LRRC4C: variants seen among roughly 807,000 people sequenced by gnomAD.
The protein encoded by LRRC4C is leucine rich repeat containing 4C.
A neutral mutation model predicts 33.6 loss-of-function variants in LRRC4C; 5 were observed. That is an observed-to-expected ratio of 0.15 (90% CI 0.08 to 0.31). LRRC4C has a LOEUF of 0.31. Among genes scored for constraint, LRRC4C ranks in the 10% least tolerant of loss-of-function variants. The probability of loss-of-function intolerance (pLI) is 1.00; values close to 1 mark genes in which losing one functional copy is unlikely to be tolerated. For synonymous variants in LRRC4C, 329 were observed against 302.0 expected, an observed-to-expected ratio of 1.09 and a Z score of -0.93; for missense variants, 560 against 796.7, an observed-to-expected ratio of 0.70 and a Z score of 3.58.
intron 1 of LRRC4C, among the ~76,000 whole-genome samples, chr11:41,360,352 A>G (rs953940398): frequency 6.6e-6 from 1 of 152,024 alleles, no homozygotes; most frequent in Non-Finnish European, 1.5e-5. Context: ...TCTATGATTT[A>G]TCTATCCATA....
At chr11:40,911,507 A>G (rs1376632989) in intron 2 of LRRC4C, among the ~76,000 whole-genome samples, 5 of 152,210 alleles carry the variant, frequency 3.3e-5, no homozygotes, top group African/African-American at 4.8e-5. Context: ...AAGGAAAACT[A>G]ACAAACAGAA....
intron 1 of LRRC4C, among the ~76,000 whole-genome samples, chr11:41,198,625 GAA>G (rs66811240): frequency 6.0e-5 from 9 of 151,180 alleles, no homozygotes; most frequent in South Asian, 4.2e-4. Context: ...GAGGGGAGAG[GAA>G]AAAAAAGTAT....
chr11:40,349,330 C>T (rs915884244), intron 3 of LRRC4C, among the ~76,000 whole-genome samples: 2 of 152,016 alleles, frequency 1.3e-5, no homozygotes, highest in African/African-American at 4.8e-5. Context: ...TTTGTCTTTC[C>T]GTGTCAGGCT....
chr11:40,501,544 A>G (rs1399419915), intron 3 of LRRC4C, among the ~76,000 whole-genome samples: 4 of 152,168 alleles, frequency 2.6e-5, no homozygotes, highest in African/African-American at 9.7e-5. Flanking sequence ...TCAACACCAC[A>G]TGAAAGCTGC....
At chr11:40,292,448 A>T (rs1944257328) in intron 4 of LRRC4C, 2 of 152,134 alleles carry the variant, frequency 1.3e-5, no homozygotes, top group South Asian at 4.1e-4. Flanking sequence ...TTCTTTGCAG[A>T]TGTATTATTA....
chr11:40,328,428 T>A (rs1387007626), intron 3 of LRRC4C, among the ~76,000 whole-genome samples: 2 of 152,180 alleles, frequency 1.3e-5, no homozygotes, highest in African/African-American at 4.8e-5. Context: ...AATGGTACAG[T>A]ATAATACTTC....
At chr11:40,858,945 A>T (rs928013862) in intron 2 of LRRC4C, among the ~76,000 whole-genome samples, 2 of 152,284 alleles carry the variant, frequency 1.3e-5, no homozygotes, top group African/African-American at 2.4e-5. Context: ...AAAACTGTTA[A>T]ATCTTTTAAA....
chr11:40,547,634 C>A (rs896558914), intron 3 of LRRC4C, among the ~76,000 whole-genome samples: 3 of 151,960 alleles, frequency 2.0e-5, no homozygotes, highest in Non-Finnish European at 4.4e-5. Flanking sequence ...ATCCTTATTG[C>A]TTTTGCTTTT....
At chr11:40,913,422 A>G (rs1031007654) in intron 2 of LRRC4C, among the ~76,000 whole-genome samples, 4 of 152,178 alleles carry the variant, frequency 2.6e-5, no homozygotes, top group Non-Finnish European at 4.4e-5. Flanking sequence ...TACATGGAAA[A>G]TGAACAATCT....
chr11:41,447,315 G>A (rs1056550998), intron 1 of LRRC4C, among the ~76,000 whole-genome samples: 28 of 152,030 alleles, frequency 1.8e-4, no homozygotes, highest in African/African-American at 6.5e-4. Context: ...TCCTCATCAC[G>A]GGCATAGAAT....
intron 3 of LRRC4C, among the ~76,000 whole-genome samples, chr11:40,575,745 C>T (rs1372089423): frequency 6.6e-6 from 1 of 152,070 alleles, no homozygotes; most frequent in Non-Finnish European, 1.5e-5. Context: ...AGATATTTTT[C>T]ATCAATGGCA....
intron 5 of LRRC4C, among the ~76,000 whole-genome samples, 195 bp downstream of exon 5, chr11:40,241,324 G>A (rs906453236): frequency 2.0e-5 from 3 of 152,152 alleles, no homozygotes; most frequent in Non-Finnish European, 2.9e-5. Flanking sequence ...GGAGACTGCA[G>A]TGAGCTATAA....
rs1029791382 is a variant in LRRC4C, at chr11:40,340,711, A to C, written c.-269-20990T>G. On this transcript the variant is annotated intron_variant, in intron 3 of 6. Transcript: ENST00000528697. ...AAGATCAGAAAACTTATTCAATTAT[A>C]CATGTATCATTATGTAATATAATGA... is the stretch of plus-strand genomic sequence containing the variant. Among the ~76,000 whole-genome samples the C allele has an allele frequency of 5.3e-5, 8 of 152,334 alleles. No homozygotes were observed. In the East Asian group the frequency reaches 1.2e-3, roughly 22 times the overall value.
At chr11:40,835,355 A>G (rs1319343176) in intron 2 of LRRC4C, among the ~76,000 whole-genome samples, 1 of 152,224 alleles carries the variant, frequency 6.6e-6, no homozygotes, top group Non-Finnish European at 1.5e-5. Flanking sequence ...AATTGCTGTA[A>G]AATTTCTAAA....
intron 2 of LRRC4C, among the ~76,000 whole-genome samples, chr11:40,788,753 A>G (rs1453407063): frequency 1.3e-5 from 2 of 152,084 alleles, no homozygotes; most frequent in Non-Finnish European, 2.9e-5. Context: ...TTAGACACCT[A>G]TTGGGATACA....
intron 2 of LRRC4C, among the ~76,000 whole-genome samples, chr11:40,834,370 C>T (rs1355141361): frequency 6.6e-6 from 1 of 151,262 alleles, no homozygotes; most frequent in Non-Finnish European, 1.5e-5. Flanking sequence ...ACTCAGGAGG[C>T]TGAGGCAGGA....
intron 2 of LRRC4C, among the ~76,000 whole-genome samples, chr11:40,696,068 A>G (rs1426572460): frequency 8.0e-6 from 1 of 125,472 alleles, no homozygotes; most frequent in Non-Finnish European, 1.6e-5. Context: ...TGTATATATG[A>G]GTGTGTATAT....
intron 4 of LRRC4C, among the ~76,000 whole-genome samples, chr11:40,249,286 C>A (rs1374441666): frequency 6.6e-5 from 10 of 152,132 alleles, no homozygotes; most frequent in Admixed American, 2.6e-4. Context: ...TTGCAGTGAG[C>A]CGAGATCGCA....
chr11:41,164,388 C>G (rs11036263), intron 1 of LRRC4C, among the ~76,000 whole-genome samples: 1 of 152,074 alleles, frequency 6.6e-6, no homozygotes, highest in East Asian at 1.9e-4. Context: ...TCTTCAGTAC[C>G]TCCTGAGGAA....
Sources: gnomAD v4.1 joint callset for allele counts (sites outside exome capture counted in the v4.1 genomes callset) on GRCh38, gnomAD v4.1.1 for gene constraint, MANE v1.5 for transcripts, NCBI Gene and HGNC (gene_info 2026-07-23, HGNC 2026-07-21) for gene names.